Variants in ZFPM1 observed in about 807,000 individuals in gnomAD.
ZFPM1 encodes the protein zinc finger protein ZFPM1.
ZFPM1 carries 28 observed loss-of-function variants against 46.3 expected under a neutral mutation model. The ratio of observed to expected loss-of-function variants is 0.60; its 90% CI spans 0.45 to 0.83. The LOEUF is 0.83. ZFPM1 is among the 40% of genes least tolerant of loss of function. The pLI is 0.00. For synonymous variants in ZFPM1, 957 were observed against 675.9 expected (o/e 1.42, Z -6.45); for missense variants, 1,878 against 1,432.4 (o/e 1.31, Z -5.02).
intron 3 of ZFPM1, 140 bp from the exon 4 acceptor site, chr16:88,514,247 A>G: frequency 7.1e-7 from 1 of 1,411,756 alleles, no homozygotes; most frequent in Non-Finnish European, 9.4e-7. Context: ...CCTGGGACCC[A>G]GCACCTGCCC....
intron 1 of ZFPM1, among the ~76,000 whole-genome samples, chr16:88,463,918 A>C (rs2142345593): frequency 6.6e-6 from 1 of 152,286 alleles, no homozygotes; most frequent in East Asian, 1.9e-4. Flanking sequence ...TTAGAAATGT[A>C]GGAAAGAGAT....
intron 6 of ZFPM1, among the ~76,000 whole-genome samples, chr16:88,529,131 T>G (rs896046919): frequency 1.3e-5 from 2 of 152,080 alleles, no homozygotes; most frequent in Non-Finnish European, 2.9e-5. Context: ...CTTTGAAAAA[T>G]GAGCCGAGGG....
intron 1 of ZFPM1, among the ~76,000 whole-genome samples, chr16:88,468,100 G>A (rs1199636701): frequency 2.4e-5 from 2 of 83,916 alleles, no homozygotes; most frequent in Non-Finnish European, 4.4e-5. Flanking sequence ...GGCCGCTGAC[G>A]CACCTGCGAG....
chr16:88,462,966 C>A, intron 1 of ZFPM1, among the ~76,000 whole-genome samples: 1 of 148,086 alleles, frequency 6.8e-6, no homozygotes, highest in South Asian at 2.1e-4. Context: ...AGGGCAGGGG[C>A]CCCCCTCCCC....
intron 3 of ZFPM1, among the ~76,000 whole-genome samples, chr16:88,509,947 C>T (rs1275563938): frequency 6.6e-6 from 1 of 152,112 alleles, no homozygotes; most frequent in Non-Finnish European, 1.5e-5. Flanking sequence ...CGACAGGGGC[C>T]TCTGGGGCCT....
Position 88,528,018 on chromosome 16 carries a change from C to T in ZFPM1, c.506-14C>T, listed in dbSNP as rs747551778. 4.2e-5 allele frequency: 64 copies of T among 1,528,238 alleles called. No individual in the cohort carries two copies. In the East Asian group the frequency reaches 1.0e-3, roughly 24 times the overall value. The allele number at this position is 1,528,238 out of a possible 1,614,324, so 94.7% of individuals were successfully genotyped here. On this transcript the variant is annotated splice_polypyrimidine_tract_variant and intron_variant, in intron 5 of 9. Transcript: ENST00000319555. ...GGCACAAAGTCCTAGGTTTGGACAC[C>T]TGTCTCCCTCCAGATGACGCACTCT...
Position 88,453,577 on chromosome 16 carries a change from C to A in ZFPM1, c.-62C>A, listed in dbSNP as rs1907385614. The A allele has an allele frequency of 4.3e-6, 4 of 935,226 alleles. No individual in the cohort carries two copies. Among genetic ancestry groups the A allele is most frequent in the Non-Finnish European group, 5.1e-6 (4 of 787,002 alleles). 57.9% of individuals were successfully genotyped at this position (935,226 alleles called of 1,614,324 possible). On this transcript the variant is annotated 5_prime_UTR_variant, in exon 1 of 10. Transcript: ENST00000319555. ...CCCCGCGGCCCCGCCGCGCCCCCGCCGCCCGCCGCCGCCCGCCCGGGGCTA... is the reference window on the plus strand; with the variant it reads ...CCCCGCGGCCCCGCCGCGCCCCCGCAGCCCGCCGCCGCCCGCCCGGGGCTA...
In ZFPM1 at chr16:88,528,099, G is replaced by T; in HGVS notation, c.573G>T (p.Thr191=). ...PAGGLLSVLL[T]AEPHSTPGHP... ...GGGGACTCCTGAGCGTGCTCCTCACGGCCGAGCCCCACAGCACCCCCGGCC... is the reference window on the plus strand; with the variant it reads ...GGGGACTCCTGAGCGTGCTCCTCACTGCCGAGCCCCACAGCACCCCCGGCC... Residue 191 remains threonine, a synonymous_variant, in exon 6 of 10, where the codon ACG becomes ACT. Transcript: ENST00000319555. 3 of 1,579,294 alleles carry T rather than the reference G, an allele frequency of 1.9e-6. No individual in the cohort carries two copies. Among genetic ancestry groups the T allele is most frequent in the Non-Finnish European group, 2.6e-6 (3 of 1,163,418 alleles).
intron 6 of ZFPM1, among the ~76,000 whole-genome samples, chr16:88,529,768 T>C (rs1034447652): frequency 1.3e-5 from 2 of 152,186 alleles, no homozygotes; most frequent in African/African-American, 4.8e-5. Context: ...GAGGTCGCCA[T>C]GACCCTGACC....
rs535441344 is a variant in ZFPM1, at chr16:88,519,123, T to C, written c.402+4603T>C. On this transcript the variant is annotated intron_variant, in intron 4 of 9. Coordinates refer to ENST00000319555, the MANE Select transcript of ZFPM1 (RefSeq NM_153813.3). ...GTGGGTGGATGGGTGGATGGATGGATGGATGGGTGGATGGATGGATGGATG... is the reference window on the plus strand; with the variant it reads ...GTGGGTGGATGGGTGGATGGATGGACGGATGGGTGGATGGATGGATGGATG... 4.2e-5 allele frequency among the ~76,000 whole-genome samples: 5 copies of C among 119,440 alleles called. No individual in the cohort carries two copies. In the East Asian group the frequency reaches 1.4e-3, roughly 32 times the overall value. The allele number at this position is 119,440 out of a possible 152,430, so 78.4% of individuals were successfully genotyped here. A position where few individuals can be genotyped will look rare whatever the true frequency, so the allele number is the denominator to read the frequency against.
In ZFPM1 at chr16:88,532,785, A is replaced by G. The variant is rs771387948; in HGVS notation, c.1043-4A>G. 6.2e-7 allele frequency: 1 copy of G among 1,613,116 alleles called. No individual in the cohort carries two copies. The highest frequency in any genetic ancestry group is 1.1e-5 in the South Asian group (1 of 91,080). Reference sequence around the variant, plus strand: ...GGCCTTGACCACCTCGCCATGGCCCACAGGTGTCTGCCACAGCTGTGGCTT... The same window carrying G: ...GGCCTTGACCACCTCGCCATGGCCCGCAGGTGTCTGCCACAGCTGTGGCTT... On this transcript the variant is annotated splice_region_variant and splice_polypyrimidine_tract_variant and intron_variant, in intron 8 of 9. Coordinates refer to ENST00000319555, the MANE Select transcript of ZFPM1 (RefSeq NM_153813.3).
intron 2 of ZFPM1, 112 bp downstream of exon 2, chr16:88,486,155 A>G (rs984453573): frequency 2.7e-6 from 3 of 1,118,312 alleles, no homozygotes; most frequent in Admixed American, 2.1e-5. Context: ...AACTATATGC[A>G]GGAGTCCAGG....
chr16:88,518,198 C>A (rs1182031386), intron 4 of ZFPM1, among the ~76,000 whole-genome samples: 3 of 149,610 alleles, frequency 2.0e-5, no homozygotes, highest in Admixed American at 1.3e-4. Context: ...GAGCGAGACT[C>A]CGTCTCAAAA....
chr16:88,493,058 T>A lies in ZFPM1; in HGVS notation c.268+3905T>A, dbSNP rs546894508. On this transcript the variant is annotated intron_variant, in intron 3 of 9. Transcript: ENST00000319555. ...CGGGGTATGGAGAGCTATCCCGGGG[T>A]GCGGAGAGCTGTCCCGGGGTGCGGG... is the stretch of plus-strand genomic sequence containing the variant. Among the ~76,000 whole-genome samples the A allele has an allele frequency of 1.5e-3, 209 of 140,296 alleles. 1 individual carries two copies. Among genetic ancestry groups the A allele is most frequent in the African/African-American group, 5.5e-3 (202 of 36,682 alleles). The allele number at this position is 140,296 out of a possible 152,430, so 92.0% of individuals were successfully genotyped here.
At chr16:88,455,742 T>C (rs1907523070) in intron 1 of ZFPM1, among the ~76,000 whole-genome samples, 1 of 152,088 alleles carries the variant, frequency 6.6e-6, no homozygotes, top group African/African-American at 2.4e-5. Context: ...CGATGGTGGC[T>C]GAGATAGGCG....
chr16:88,495,412 G>A (rs919708002), intron 3 of ZFPM1, among the ~76,000 whole-genome samples: 3 of 152,202 alleles, frequency 2.0e-5, no homozygotes, highest in East Asian at 1.9e-4. Flanking sequence ...AAAGCTTCTC[G>A]CCCAGGGCTA....
chr16:88,511,842 G>A (rs1414630163), intron 3 of ZFPM1, among the ~76,000 whole-genome samples: 2 of 152,172 alleles, frequency 1.3e-5, no homozygotes, highest in African/African-American at 4.8e-5. Context: ...CCACCCCCAA[G>A]AGGCACCTTT....
At chr16:88,494,264 G>A (rs777236035) in intron 3 of ZFPM1, among the ~76,000 whole-genome samples, 47 of 152,240 alleles carry the variant, frequency 3.1e-4, no homozygotes, top group Non-Finnish European at 4.7e-4. Flanking sequence ...CCGAGCAGGG[G>A]CCGGGAGCAG....
At chr16:88,465,777 C>A (rs970734135) in intron 1 of ZFPM1, among the ~76,000 whole-genome samples, 2 of 152,226 alleles carry the variant, frequency 1.3e-5, no homozygotes, top group Non-Finnish European at 2.9e-5. Context: ...GGTGCCATCG[C>A]GGCGTCTGTC....
Sources: allele counts gnomAD v4.1 joint callset (sites outside exome capture counted in the v4.1 genomes callset), GRCh38; gene constraint gnomAD v4.1.1; transcripts MANE v1.5; gene names NCBI Gene and HGNC (gene_info 2026-07-23, HGNC 2026-07-21).